Variants in TBC1D22A observed in about 807,000 individuals in gnomAD.
TBC1D22A encodes TBC1 domain family member 22A, also known as putative GTPase activator.
Under a neutral mutation model 60.2 loss-of-function variants are expected in TBC1D22A, and 38 were observed. The observed-to-expected ratio is 0.63, with a 90% CI of 0.49 to 0.83. TBC1D22A has a LOEUF of 0.83. Ranked by LOEUF, TBC1D22A falls within the 40% of genes least tolerant of loss-of-function variation. TBC1D22A has a pLI of 0.00. For synonymous variants in TBC1D22A, 302 were observed against 281.7 expected (o/e 1.07, Z -0.72); for missense variants, 628 against 701.0 (o/e 0.90, Z 1.18).
At chr22:47,026,168 CA>C (rs772106090) in intron 10 of TBC1D22A, among the ~76,000 whole-genome samples, 13 of 152,160 alleles carry the variant, frequency 8.5e-5, no homozygotes, top group Non-Finnish European at 1.8e-4. Flanking sequence ...TCATTTGACA[CA>C]ATCCAATATC....
chr22:47,076,085 T>G (rs986908328), intron 11 of TBC1D22A, among the ~76,000 whole-genome samples: 14 of 152,114 alleles, frequency 9.2e-5, no homozygotes, highest in African/African-American at 3.1e-4. Flanking sequence ...TTGACAAATC[T>G]GTAATCATTG....
intron 6 of TBC1D22A, among the ~76,000 whole-genome samples, chr22:46,891,861 T>C (rs1007110482): frequency 1.5e-4 from 23 of 152,184 alleles, no homozygotes; most frequent in African/African-American, 4.8e-4. Flanking sequence ...AGGAAAGGTG[T>C]GTTCATCAGT....
chr22:47,034,286 T>TC (rs1171454959), intron 10 of TBC1D22A, among the ~76,000 whole-genome samples: 1 of 152,282 alleles, frequency 6.6e-6, no homozygotes, highest in African/African-American at 2.4e-5. Context: ...CTGGGACCTG[T>TC]CCTTCCTGTC....
At chr22:47,005,431 A>T (rs956173182) in intron 10 of TBC1D22A, among the ~76,000 whole-genome samples, 2 of 150,482 alleles carry the variant, frequency 1.3e-5, no homozygotes, top group Non-Finnish European at 3.0e-5. Context: ...CCCCTATAAC[A>T]CACACCCTTA....
intron 11 of TBC1D22A, among the ~76,000 whole-genome samples, chr22:47,105,603 T>G (rs1299829046): frequency 1.3e-5 from 2 of 152,242 alleles, no homozygotes; most frequent in Non-Finnish European, 2.9e-5. Context: ...TTCCTCAGAA[T>G]TTCCAACTAC....
chr22:46,968,580 G>A (rs986112434), intron 8 of TBC1D22A, among the ~76,000 whole-genome samples: 14 of 149,286 alleles, frequency 9.4e-5, no homozygotes, highest in Non-Finnish European at 2.1e-4. Context: ...CTGCGTGGCC[G>A]GCGGTCCTGA....
intron 4 of TBC1D22A, among the ~76,000 whole-genome samples, chr22:46,829,217 T>C (rs1322529690): frequency 6.6e-6 from 1 of 152,262 alleles, no homozygotes; most frequent in Non-Finnish European, 1.5e-5. Context: ...AAACGCATTG[T>C]TTCATAGTTA....
At chr22:46,981,331 G>A (rs1334195341) in intron 9 of TBC1D22A, among the ~76,000 whole-genome samples, 1 of 151,434 alleles carries the variant, frequency 6.6e-6, no homozygotes, top group Non-Finnish European at 1.5e-5. Flanking sequence ...GCAACCATAA[G>A]GCACTTCCAA....
chr22:47,068,219 TG>T (rs2147493803), intron 11 of TBC1D22A, among the ~76,000 whole-genome samples: 1 of 152,360 alleles, frequency 6.6e-6, no homozygotes, highest in African/African-American at 2.4e-5. Flanking sequence ...CACCCATCCA[TG>T]GCACCACTGT....
At chr22:46,956,254 T>C (rs2073183309) in intron 8 of TBC1D22A, among the ~76,000 whole-genome samples, 1 of 151,986 alleles carries the variant, frequency 6.6e-6, no homozygotes, top group East Asian at 1.9e-4. Context: ...GCCATTAGGG[T>C]GTGCCCTAAC....
rs141946474 is a variant in TBC1D22A, at chr22:47,088,466, T to C, written c.1330-23042T>C. Among the ~76,000 whole-genome samples the C allele has an allele frequency of 5.3e-5, 8 of 152,316 alleles. No homozygotes were observed. In the East Asian group the frequency reaches 1.5e-3, roughly 29 times the overall value. On this transcript the variant is annotated intron_variant, in intron 11 of 12. Coordinates refer to ENST00000337137, the MANE Select transcript of TBC1D22A (RefSeq NM_014346.5). ...GCAGTTTATTAGAACATACCAAGAA[T>C]GTTAAAGTCTATGAATTCATAATAA...
At chr22:46,871,334 G>A (rs1179087252) in intron 4 of TBC1D22A, among the ~76,000 whole-genome samples, 2 of 152,216 alleles carry the variant, frequency 1.3e-5, no homozygotes, top group Non-Finnish European at 2.9e-5. Flanking sequence ...GTAAAGTGTA[G>A]AAGATTAGAA....
At chr22:46,872,837 G>A (rs2067355428) in intron 4 of TBC1D22A, among the ~76,000 whole-genome samples, 1 of 152,174 alleles carries the variant, frequency 6.6e-6, no homozygotes, top group African/African-American at 2.4e-5. Flanking sequence ...CAGGAGTAGG[G>A]TGGGATTCTA....
chr22:46,816,651 G>T (rs550317485), intron 4 of TBC1D22A, among the ~76,000 whole-genome samples: 1 of 152,272 alleles, frequency 6.6e-6, no homozygotes, highest in African/African-American at 2.4e-5. Flanking sequence ...TAGATGACAG[G>T]ATGAGTCATG....
rs116444754 is a variant in TBC1D22A, at chr22:46,785,757, T to G, written c.63-6763T>G. On this transcript the variant is annotated intron_variant, in intron 1 of 12. Transcript: ENST00000337137. ...CTGAGCATAATATTTTCAAGATTGA[T>G]CTACGTTGTAGCTTGTATCACTACT... Among the ~76,000 whole-genome samples, 1,100 of 152,344 alleles carry G rather than the reference T, an allele frequency of 7.2e-3. 10 individuals are homozygous for G. The highest frequency in any genetic ancestry group is 0.025 in the African/African-American group (1,019 of 41,576).
intron 11 of TBC1D22A, among the ~76,000 whole-genome samples, chr22:47,106,747 A>G (rs1043670377): frequency 3.3e-5 from 5 of 152,218 alleles, no homozygotes; most frequent in African/African-American, 1.2e-4. Flanking sequence ...CATATATGAA[A>G]GAACAAGAAG....
At chr22:47,050,825 G>A (rs1028303683) in intron 11 of TBC1D22A, among the ~76,000 whole-genome samples, 13 of 152,218 alleles carry the variant, frequency 8.5e-5, no homozygotes, top group Non-Finnish European at 1.9e-4. Flanking sequence ...CCTGGGAGGA[G>A]CCTGTGGTCT....
chr22:46,917,454 T>C (rs5767412), intron 8 of TBC1D22A, among the ~76,000 whole-genome samples: 116,130 of 151,878 alleles, frequency 0.76, 44,475 homozygotes, highest in South Asian at 0.81. Flanking sequence ...TTGGTGTGAG[T>C]AGAGGGGAGC....
intron 3 of TBC1D22A, 129 bp downstream of exon 3, chr22:46,793,970 A>G (rs2146906681): frequency 3.3e-6 from 3 of 899,232 alleles, no homozygotes; most frequent in Non-Finnish European, 5.0e-6. Context: ...GGCCCACGAG[A>G]GCCCTTATGG....
Sources: allele counts gnomAD v4.1 joint callset (sites outside exome capture counted in the v4.1 genomes callset), GRCh38; gene constraint gnomAD v4.1.1; transcripts MANE v1.5; gene names NCBI Gene and HGNC (gene_info 2026-07-23, HGNC 2026-07-21).